FRMD4A: variants seen among roughly 807,000 people sequenced by gnomAD.
FRMD4A encodes FERM domain containing 4A.
FRMD4A carries 29 observed loss-of-function variants against 129.1 expected under a neutral mutation model. The ratio of observed to expected loss-of-function variants is 0.22; its 90% CI spans 0.17 to 0.31. The LOEUF is 0.31. FRMD4A is among the 10% of genes least tolerant of loss of function. The pLI is 1.00. For synonymous variants in FRMD4A, 634 were observed against 571.6 expected (o/e 1.11, Z -1.56); for missense variants, 1,272 against 1,375.8 (o/e 0.92, Z 1.19).
intron 2 of FRMD4A, among the ~76,000 whole-genome samples, chr10:13,891,442 A>G (rs918375570): frequency 2.0e-5 from 3 of 148,856 alleles, no homozygotes; most frequent in African/African-American, 7.3e-5. Context: ...AAAGCACAGT[A>G]TGTGCCCCAC....
intron 2 of FRMD4A, among the ~76,000 whole-genome samples, chr10:14,051,899 C>T (rs1053689267): frequency 2.0e-5 from 3 of 152,208 alleles, no homozygotes; most frequent in African/African-American, 7.2e-5. Flanking sequence ...GTGTCTCACC[C>T]TCAATTAATG....
intron 2 of FRMD4A, chr10:14,007,125 T>C (rs372024900): frequency 1.3e-4 from 20 of 152,316 alleles, no homozygotes; most frequent in African/African-American, 4.8e-4. Flanking sequence ...ATCTTCTTTA[T>C]AAGATGCTGC....
chr10:13,756,386 C>T (rs991225853), intron 8 of FRMD4A, among the ~76,000 whole-genome samples: 21 of 152,164 alleles, frequency 1.4e-4, no homozygotes, highest in Admixed American at 1.1e-3. Context: ...GACAGGGTCT[C>T]GCTCTATTAC....
intron 3 of FRMD4A, among the ~76,000 whole-genome samples, chr10:13,846,873 G>A (rs1477859469): frequency 7.2e-5 from 11 of 152,194 alleles, no homozygotes; most frequent in Non-Finnish European, 2.9e-5. Context: ...TAGGACAAAC[G>A]GGGATGGCCA....
At chr10:14,227,605 TTACACCAAGCC>T (rs1420615267) in intron 2 of FRMD4A, among the ~76,000 whole-genome samples, 1 of 152,044 alleles carries the variant, frequency 6.6e-6, no homozygotes, top group Non-Finnish European at 1.5e-5. Context: ...TGAGCGTCAC[TTACACCAAGCC>T]TGCATGAGGT....
At chr10:14,288,585 A>G (rs1487751835) in intron 2 of FRMD4A, among the ~76,000 whole-genome samples, 2 of 152,136 alleles carry the variant, frequency 1.3e-5, no homozygotes, top group Admixed American at 6.5e-5. Context: ...AAAAATATTA[A>G]TTTATTTTTA....
At chr10:14,304,828 G>A (rs1589287760) in intron 2 of FRMD4A, among the ~76,000 whole-genome samples, 1 of 152,252 alleles carries the variant, frequency 6.6e-6, no homozygotes, top group African/African-American at 2.4e-5. Context: ...TCCACCAGTG[G>A]TGATGGGAAG....
At chr10:14,263,311 G>T (rs1042592288) in intron 2 of FRMD4A, among the ~76,000 whole-genome samples, 1 of 152,172 alleles carries the variant, frequency 6.6e-6, no homozygotes, top group African/African-American at 2.4e-5. Flanking sequence ...ATATGGCTTT[G>T]ACTTCAGCCA....
Position 14,271,461 on chromosome 10 carries a change from T to A in FRMD4A, c.45+58597A>T, listed in dbSNP as rs954313723. 2.0e-5 allele frequency among the ~76,000 whole-genome samples: 3 copies of A among 152,082 alleles called. No homozygotes were observed. The South Asian group carries it at 6.2e-4, about 32-fold the overall frequency. Reference sequence around the variant, plus strand: ...CTGGGACATGAACCTCACATGCATATCTTTGGGATGTGTGGGAAAACAGGA... The same window carrying A: ...CTGGGACATGAACCTCACATGCATAACTTTGGGATGTGTGGGAAAACAGGA... On this transcript the variant is annotated intron_variant, in intron 2 of 24. Transcript: ENST00000357447.
chr10:13,714,043 T>A (rs368974366), intron 12 of FRMD4A, among the ~76,000 whole-genome samples: 1 of 5,946 alleles, frequency 1.7e-4, no homozygotes, highest in Non-Finnish European at 4.5e-4. Flanking sequence ...TATATATATA[T>A]ATATATATAT....
chr10:14,058,550 A>G (rs1834653070), intron 2 of FRMD4A, among the ~76,000 whole-genome samples: 1 of 152,226 alleles, frequency 6.6e-6, no homozygotes, highest in Non-Finnish European at 1.5e-5. Context: ...CTAGAAAAAA[A>G]TGACCACATT....
At chr10:14,265,112 T>C (rs1844934777) in intron 2 of FRMD4A, among the ~76,000 whole-genome samples, 1 of 152,204 alleles carries the variant, frequency 6.6e-6, no homozygotes, top group Admixed American at 6.5e-5. Context: ...CATTAATGGC[T>C]CTGAACTTTT....
intron 2 of FRMD4A, among the ~76,000 whole-genome samples, chr10:14,105,892 A>G (rs551362180): frequency 6.6e-6 from 1 of 152,142 alleles, no homozygotes; most frequent in East Asian, 1.9e-4. Context: ...TTTCTTGTAA[A>G]TTTGGCAAGA....
chr10:13,777,124 C>G (rs2092614057), intron 6 of FRMD4A, among the ~76,000 whole-genome samples: 1 of 152,204 alleles, frequency 6.6e-6, no homozygotes, highest in African/African-American at 2.4e-5. Context: ...GGAAAAGAAC[C>G]TGGGTCTGCC....
chr10:13,794,341 G>C (rs140065508), intron 5 of FRMD4A, among the ~76,000 whole-genome samples: 1 of 138,724 alleles, frequency 7.2e-6, no homozygotes. Context: ...GCAGTGAGCC[G>C]AGATCATGCC....
In FRMD4A at chr10:13,747,838, A is replaced by G; in HGVS notation, c.465-19T>C. On this transcript the variant is annotated intron_variant, in intron 8 of 24. Transcript: ENST00000357447. ...TTCATTGCTGAAAGAGAGAATGCCC[A>G]GAAACGCACTCACCCTCTGAGAAAA... 1.4e-6 allele frequency: 2 copies of G among 1,393,100 alleles called. No homozygotes were observed. The highest frequency in any genetic ancestry group is 2.0e-6 in the Non-Finnish European group (2 of 978,210). 86.3% of individuals were successfully genotyped at this position (1,393,100 alleles called of 1,614,324 possible). A position where few individuals can be genotyped will look rare whatever the true frequency, so the allele number is the denominator to read the frequency against.
chr10:14,047,247 G>T (rs1834027856), intron 2 of FRMD4A, among the ~76,000 whole-genome samples: 1 of 152,132 alleles, frequency 6.6e-6, no homozygotes, highest in African/African-American at 2.4e-5. Flanking sequence ...TTGCTTGGTG[G>T]AAAAGAAGAA....
Position 13,828,742 on chromosome 10 carries a change from G to A in FRMD4A, c.112-17834C>T, listed in dbSNP as rs1370212803. Among the ~76,000 whole-genome samples, 4 of 152,172 alleles carry A rather than the reference G, an allele frequency of 2.6e-5. No individual in the cohort carries two copies. The South Asian group carries it at 8.3e-4, about 32-fold the overall frequency. On this transcript the variant is annotated intron_variant, in intron 3 of 24. Transcript: ENST00000357447. ...AGACAGGGTTTCTCCATGTTGGTCA[G>A]GCTGCTCTTGAACTTCTGACCTCAG...
At chr10:13,863,961 G>A (rs1362061815) in intron 2 of FRMD4A, among the ~76,000 whole-genome samples, 2 of 151,872 alleles carry the variant, frequency 1.3e-5, no homozygotes, top group Non-Finnish European at 2.9e-5. Context: ...AGAATTTAAC[G>A]TTTGGCAAAG....
Sources: gnomAD v4.1 joint callset for allele counts (sites outside exome capture counted in the v4.1 genomes callset) on GRCh38, gnomAD v4.1.1 for gene constraint, MANE v1.5 for transcripts, NCBI Gene and HGNC (gene_info 2026-07-23, HGNC 2026-07-21) for gene names.